RAB32: variants seen among roughly 807,000 people sequenced by gnomAD.
RAB32 encodes RAB32, member RAS oncogene family, also known as ras-related protein Rab-32.
In RAB32, 17 loss-of-function variants were observed where a neutral mutation model predicts 17.5. That is an observed-to-expected ratio of 0.97 (90% CI 0.67 to 1.46). RAB32 has a LOEUF of 1.46. Among genes scored for constraint, RAB32 ranks in the 40% most tolerant of loss-of-function variants. The pLI, the probability that RAB32 is intolerant of heterozygous loss-of-function variation, is 0.00. For synonymous variants in RAB32, 115 were observed against 111.1 expected, an observed-to-expected ratio of 1.04 and a Z score of -0.22; for missense variants, 288 against 284.3, an observed-to-expected ratio of 1.01 and a Z score of -0.09.
In RAB32 at chr6:146,554,462, A is replaced by G. The variant is rs1779934433; in HGVS notation, c.535A>G (p.Ile179Val). 1 of 1,607,936 alleles carries G rather than the reference A, an allele frequency of 6.2e-7. No homozygotes were observed. Among genetic ancestry groups the G allele is most frequent in the South Asian group, 1.1e-5 (1 of 90,048 alleles). Residue 179 changes from isoleucine to valine, a missense_variant, in exon 3 of 3, where the codon ATA (isoleucine) becomes GTA (valine). Transcript: ENST00000367495. The part of the protein sequence containing the change: ...GWFETSAKDN[I>V]NIEEAARFLV... The stretch of plus-strand genomic sequence containing the variant: ...CTTCATTTCTGCATTACAGGATAAC[A>G]TAAACATAGAGGAAGCTGCCCGGTT...
At chr6:146,545,683 A>G (rs991345756) in intron 1 of RAB32, among the ~76,000 whole-genome samples, 2 of 152,200 alleles carry the variant, frequency 1.3e-5, no homozygotes, top group African/African-American at 2.4e-5. Flanking sequence ...TTTGTTACCA[A>G]AAACCAAAAG....
chr6:146,552,481 A>G (rs944087329), intron 2 of RAB32, among the ~76,000 whole-genome samples: 4 of 152,156 alleles, frequency 2.6e-5, no homozygotes, highest in East Asian at 1.9e-4. Context: ...AAAGGCTACA[A>G]TGAACCTCAT....
intron 1 of RAB32, among the ~76,000 whole-genome samples, chr6:146,548,720 T>C (rs900574045): frequency 6.6e-5 from 10 of 152,202 alleles, no homozygotes; most frequent in Admixed American, 6.5e-5. Context: ...GTCTTTCCTA[T>C]GCCAAAGATT....
intron 2 of RAB32, among the ~76,000 whole-genome samples, chr6:146,550,411 G>A (rs1303283167): frequency 2.0e-5 from 3 of 152,096 alleles, no homozygotes; most frequent in Non-Finnish European, 4.4e-5. Flanking sequence ...CAGTCTGGGA[G>A]GCCGAGGCAG....
At position 146,544,032 on chromosome 6, in the gene RAB32, A is replaced by T. The variant is rs1437995748; in HGVS notation, c.161A>T (p.Tyr54Phe). 6.2e-7 allele frequency: 1 copy of T among 1,613,770 alleles called. No homozygotes were observed. The highest frequency in any genetic ancestry group is 1.7e-5 in the Admixed American group (1 of 60,020). The change falls in exon 1 of 3, where the codon TAC becomes TTC. Residue 54 changes from tyrosine to phenylalanine, a missense_variant. Tyr to Phe is a conservative substitution (Grantham distance 22). Coordinates refer to ENST00000367495, the MANE Select transcript of RAB32 (RefSeq NM_006834.5). ...RYVHQLFSQH[Y>F]RATIGVDFAL... ...GTCCACCAGCTCTTCTCCCAGCACT[A>T]CCGGGCCACCATCGGGGTGGACTTC...
intron 2 of RAB32, among the ~76,000 whole-genome samples, chr6:146,550,510 A>G (rs1301685481): frequency 1.3e-5 from 2 of 151,660 alleles, no homozygotes; most frequent in African/African-American, 4.8e-5. Flanking sequence ...TACACAAAGT[A>G]GCTGAGCATG....
Position 146,554,482 on chromosome 6 carries a change from C to T in RAB32, c.555C>T (p.Ala185=), listed in dbSNP as rs749557778. ...AKDNINIEEA[A]RFLVEKILVN... is the part of the protein sequence containing the mutation. ...ATAACATAAACATAGAGGAAGCTGC[C>T]CGGTTCCTAGTGGAGAAGATTCTTG... Residue 185 remains alanine (A), a synonymous_variant, in exon 3 of 3, where the codon GCC becomes GCT. Transcript: ENST00000367495. 11 of 1,612,220 alleles carry T rather than the reference C, an allele frequency of 6.8e-6. No individual in the cohort carries two copies. In the South Asian group the frequency reaches 1.2e-4, roughly 18 times the overall value.
Position 146,544,001 on chromosome 6 carries a change from C to T in RAB32, c.130C>T (p.Arg44Cys). The T allele has an allele frequency of 6.2e-7, 1 of 1,613,834 alleles. No individual in the cohort carries two copies. The highest frequency in any genetic ancestry group is 8.5e-7 in the Non-Finnish European group (1 of 1,179,926). The change falls in exon 1 of 3, where the codon CGC becomes TGC. Residue 44 changes from arginine (R) to cysteine (C), a missense_variant. Coordinates refer to ENST00000367495, the MANE Select transcript of RAB32 (RefSeq NM_006834.5). ...CGTGGGCAAGACCAGCATCATCAAG[C>T]GCTACGTCCACCAGCTCTTCTCCCA... ...LGVGKTSIIK[R>C]YVHQLFSQHY...
intron 2 of RAB32, 39 bp downstream of exon 2, chr6:146,549,780 C>T (rs1370089662): frequency 1.2e-5 from 19 of 1,586,002 alleles, no homozygotes; most frequent in Non-Finnish European, 1.5e-5. Flanking sequence ...TGCTTTCTAG[C>T]TCATAATTCT....
At chr6:146,553,590 A>G (rs939237133) in intron 2 of RAB32, among the ~76,000 whole-genome samples, 1 of 152,176 alleles carries the variant, frequency 6.6e-6, no homozygotes, top group Non-Finnish European at 1.5e-5. Flanking sequence ...CAACAGTGAA[A>G]TATAGCTTAT....
chr6:146,544,855 C>A (rs1779801422), intron 1 of RAB32, among the ~76,000 whole-genome samples: 1 of 138,846 alleles, frequency 7.2e-6, no homozygotes, highest in Admixed American at 7.9e-5. Flanking sequence ...GTACATTTCC[C>A]TCTGCTCTGA....
At chr6:146,552,963 A>G (rs1331787917) in intron 2 of RAB32, among the ~76,000 whole-genome samples, 1 of 152,242 alleles carries the variant, frequency 6.6e-6, no homozygotes, top group African/African-American at 2.4e-5. Flanking sequence ...AAACTAAATA[A>G]TTACTGTAAT....
chr6:146,554,503 T>C lies in RAB32; in HGVS notation c.576T>C (p.Ile192=). The change falls in exon 3 of 3, where the codon ATT becomes ATC. Residue 192 remains isoleucine (I), a synonymous_variant. Transcript: ENST00000367495. Reference sequence around the variant, plus strand: ...CTGCCCGGTTCCTAGTGGAGAAGATTCTTGTAAACCACCAAAGCTTTCCTA... The same window carrying C: ...CTGCCCGGTTCCTAGTGGAGAAGATCCTTGTAAACCACCAAAGCTTTCCTA... ...EEAARFLVEK[I]LVNHQSFPNE... 1.2e-6 allele frequency: 2 copies of C among 1,613,794 alleles called. No individual in the cohort carries two copies. The highest frequency in any genetic ancestry group is 1.7e-6 in the Non-Finnish European group (2 of 1,179,790).
In RAB32 at chr6:146,549,458, G is replaced by T; in HGVS notation, c.251-6G>T. 3 of 1,610,970 alleles carry T rather than the reference G, an allele frequency of 1.9e-6. No homozygotes were observed. The highest frequency in any genetic ancestry group is 2.5e-6 in the Non-Finnish European group (3 of 1,178,554). ...GTTTTTAATTTTTTCTTATATTTAT[G>T]TCTAGGGCAGGAGCGATTTGGCAAC... On this transcript the variant is annotated splice_region_variant and splice_polypyrimidine_tract_variant and intron_variant, in intron 1 of 2. Transcript: ENST00000367495.
intron 2 of RAB32, among the ~76,000 whole-genome samples, chr6:146,552,576 G>A (rs1050106431): frequency 6.6e-6 from 1 of 152,126 alleles, no homozygotes; most frequent in African/African-American, 2.4e-5. Context: ...ATATATGTGA[G>A]TGTGTATAGA....
At position 146,549,639 on chromosome 6, in the gene RAB32, T is replaced by G; in HGVS notation, c.426T>G (p.Ala142=). 6.2e-7 allele frequency: 1 copy of G among 1,614,180 alleles called. No homozygotes were observed. Among genetic ancestry groups the G allele is most frequent in the Non-Finnish European group, 8.5e-7 (1 of 1,180,002 alleles). Residue 142 remains alanine, a synonymous_variant, in exon 2 of 3, where the codon GCT becomes GCG. Coordinates refer to ENST00000367495, the MANE Select transcript of RAB32 (RefSeq NM_006834.5). ...NGSPIPAVLL[A]NKCDQNKDSS... ...GCCCTATCCCTGCTGTCCTCTTGGC[T>G]AACAAATGTGACCAGAACAAGGACA...
chr6:146,544,113 A>G lies in RAB32; in HGVS notation c.242A>G (p.Asp81Gly). The change falls in exon 1 of 3, where the codon GAC becomes GGC. Residue 81 changes from aspartate (D) to glycine (G), a missense_variant. Transcript: ENST00000367495. ...SRTLVRLQLW[D>G]IAGQERFGNM... Reference sequence around the variant, plus strand: ...ACTCTGGTGCGCCTGCAGCTGTGGGACATCGCGGGTAAGCGCGGCCGCGAG... The same window carrying G: ...ACTCTGGTGCGCCTGCAGCTGTGGGGCATCGCGGGTAAGCGCGGCCGCGAG... 1 of 1,610,492 alleles carries G rather than the reference A, an allele frequency of 6.2e-7. No homozygotes were observed. The highest frequency in any genetic ancestry group is 8.5e-7 in the Non-Finnish European group (1 of 1,178,224).
At chr6:146,550,707 T>A (rs1779885673) in intron 2 of RAB32, among the ~76,000 whole-genome samples, 1 of 129,626 alleles carries the variant, frequency 7.7e-6, no homozygotes, top group Non-Finnish European at 1.6e-5. Context: ...GTGAAAATTA[T>A]ACATATATAA....
chr6:146,546,782 G>GTTTTTTTTTTTTTTTTTT (rs962778741), intron 1 of RAB32, among the ~76,000 whole-genome samples: 2 of 118,518 alleles, frequency 1.7e-5, no homozygotes, highest in African/African-American at 7.0e-5. Context: ...TACTAGTTAG[G>GTTTTTTTTTTTTTTTTTT]TTTTTTTTTT....
Sources: allele counts gnomAD v4.1 joint callset (sites outside exome capture counted in the v4.1 genomes callset), GRCh38; gene constraint gnomAD v4.1.1; transcripts MANE v1.5; gene names NCBI Gene and HGNC (gene_info 2026-07-23, HGNC 2026-07-21).